The following ETS1 variants were observed in gnomAD, a reference collection of about 807,000 sequenced individuals.
ETS1 encodes ETS proto-oncogene 1, transcription factor, also known as protein C-ets-1.
A neutral mutation model predicts 58.6 loss-of-function variants in ETS1; 15 were observed. The ratio of observed to expected loss-of-function variants is 0.26; its 90% confidence interval spans 0.17 to 0.39. ETS1 has a LOEUF of 0.39. Ranked by LOEUF, ETS1 falls within the 10% of genes least tolerant of loss-of-function variation. ETS1 has a pLI of 1.00. For synonymous variants in ETS1, 214 were observed against 218.2 expected (o/e 0.98, Z 0.17); for missense variants, 417 against 610.5 (o/e 0.68, Z 3.34).
intron 3 of ETS1, among the ~76,000 whole-genome samples, chr11:128,499,767 G>A (rs1024085217): frequency 1.3e-5 from 2 of 152,108 alleles, no homozygotes; most frequent in African/African-American, 4.8e-5. Flanking sequence ...GTCAAACCTC[G>A]GCTCGGGGCC....
rs142099364 is a variant in ETS1 at position 128,489,369 on chromosome 11, C to A, written c.456G>T (p.Leu152=). 3.3e-5 allele frequency: 53 copies of A among 1,614,198 alleles called. No homozygotes were observed. The highest frequency in any genetic ancestry group is 3.3e-4 in the Middle Eastern group (2 of 6,062). The change falls in exon 5 of 10, where the codon CTG becomes CTT. Residue 152 remains leucine (L), a synonymous_variant. Transcript: ENST00000392668. ...FCMNGAALCA[L]GKDCFLELAP... ...CCAGCTCGAGAAAGCAGTCTTTACC[C>A]AGGGCGCAGAGGGCTGCTCCATTCA...
At chr11:128,544,993 GTC>G (rs369868004) in intron 3 of ETS1, among the ~76,000 whole-genome samples, 1 of 146,684 alleles carries the variant, frequency 6.8e-6, no homozygotes, top group African/African-American at 2.5e-5. Context: ...CAGTGACTCT[GTC>G]TGCTCACGGA....
At chr11:128,520,566 A>T (rs781579246) in intron 3 of ETS1, among the ~76,000 whole-genome samples, 1 of 152,208 alleles carries the variant, frequency 6.6e-6, no homozygotes. Flanking sequence ...CCATCATAGA[A>T]ACAGCATTTC....
chr11:128,479,063 A>G (rs1485474990), intron 8 of ETS1, among the ~76,000 whole-genome samples: 2 of 152,212 alleles, frequency 1.3e-5, no homozygotes, highest in Non-Finnish European at 2.9e-5. Flanking sequence ...TATAAGAGAG[A>G]TACTCCTGAT....
chr11:128,474,263 A>C (rs1412527771), intron 8 of ETS1, among the ~76,000 whole-genome samples: 3 of 152,220 alleles, frequency 2.0e-5, no homozygotes, highest in African/African-American at 7.2e-5. Flanking sequence ...CCTTCTGTCC[A>C]AAGACTGCTT....
intron 1 of ETS1, among the ~76,000 whole-genome samples, chr11:128,586,776 CAA>C (rs1235263493): frequency 6.6e-6 from 1 of 152,172 alleles, no homozygotes; most frequent in Non-Finnish European, 1.5e-5. Context: ...GAGTCACATA[CAA>C]AGTGTCACGG....
At chr11:128,517,814 C>CTGGAG (rs1042614975) in intron 3 of ETS1, among the ~76,000 whole-genome samples, 31 of 152,228 alleles carry the variant, frequency 2.0e-4, no homozygotes, top group African/African-American at 7.5e-4. Context: ...GGTTTGTCTC[C>CTGGAG]TGGAGGGAGG....
chr11:128,483,290 G>A (rs1278122599), intron 7 of ETS1, among the ~76,000 whole-genome samples: 1 of 152,150 alleles, frequency 6.6e-6, no homozygotes, highest in Non-Finnish European at 1.5e-5. Flanking sequence ...GAAAAGGAGA[G>A]GGAAAGAGAC....
In ETS1 at chr11:128,463,264, T is replaced by C. The variant is rs1056361238; in HGVS notation, c.1242+245A>G. Among the ~76,000 whole-genome samples the C allele has an allele frequency of 1.3e-5, 2 of 152,230 alleles. No homozygotes were observed. Among genetic ancestry groups the C allele is most frequent in the Non-Finnish European group, 2.9e-5 (2 of 68,036 alleles). ...GCTCTATGGGTGATAACTGACCTAC[T>C]GCCAGGCACGTTAATGCCTTCTATC... is the stretch of plus-strand genomic sequence containing the variant. On this transcript the variant is annotated intron_variant, in intron 9 of 9. Transcript: ENST00000392668. This position sits in a 1 kb window ranked among gnomAD's most constrained non-coding sequence, Gnocchi z 4.1.
chr11:128,558,236 A>G lies in ETS1; in HGVS notation c.70-1801T>C, dbSNP rs112988122. On this transcript the variant is annotated intron_variant, in intron 2 of 9. Coordinates refer to ENST00000392668, the MANE Select transcript of ETS1 (RefSeq NM_001143820.2). ...CTAACATCCTTAGCCTGCTGTTGCC[A>G]GGGGCCTTGATGAGCACTGTGAAAA... Among the ~76,000 whole-genome samples, 1,121 of 152,338 alleles carry G rather than the reference A, an allele frequency of 7.4e-3. 21 individuals carry two copies. Among genetic ancestry groups the G allele is most frequent in the Admixed American group, 0.047 (713 of 15,308 alleles).
At chr11:128,467,071 G>C (rs1862058378) in intron 8 of ETS1, among the ~76,000 whole-genome samples, 1 of 152,166 alleles carries the variant, frequency 6.6e-6, no homozygotes, top group African/African-American at 2.4e-5. Context: ...GCACCTTTTT[G>C]CTGACTCCTA....
Position 128,464,621 on chromosome 11 carries a change from G to A in ETS1, c.1124-994C>T, listed in dbSNP as rs141786225. ...TAAACAAACTGGGCAGAGCGGGACT[G>A]GGAAAGACCCAGTCCATGTCTCTGG... On this transcript the variant is annotated intron_variant, in intron 8 of 9. Transcript: ENST00000392668. This position sits in a 1 kb window ranked among gnomAD's most constrained non-coding sequence, Gnocchi z 4.1. 1.6e-3 allele frequency among the ~76,000 whole-genome samples: 236 copies of A among 152,200 alleles called. No individual in the cohort carries two copies. The highest frequency in any genetic ancestry group is 2.4e-3 in the Admixed American group (36 of 15,288).
chr11:128,485,259 AT>A (rs1460208545), intron 6 of ETS1, among the ~76,000 whole-genome samples, 188 bp from the exon 7 acceptor site: 1 of 152,182 alleles, frequency 6.6e-6, no homozygotes, highest in African/African-American at 2.4e-5. Context: ...TGACAAGGTA[AT>A]TGATTTCCTG....
intron 8 of ETS1, among the ~76,000 whole-genome samples, chr11:128,474,169 A>T (rs1228060922): frequency 6.6e-6 from 1 of 152,246 alleles, no homozygotes; most frequent in African/African-American, 2.4e-5. Flanking sequence ...GTCTCCTGGT[A>T]TCCAAAATCC....
chr11:128,509,546 GA>G (rs200905778), intron 3 of ETS1, among the ~76,000 whole-genome samples: 3,297 of 79,362 alleles, frequency 0.042, 77 homozygotes, highest in Non-Finnish European at 0.049. Flanking sequence ...GAAATCAGGT[GA>G]AAATTTTTTT....
In ETS1 at chr11:128,484,893, C is replaced by T. The variant is rs1200536918; in HGVS notation, c.792G>A (p.Gln264=). 2 of 1,614,032 alleles carry T rather than the reference C, an allele frequency of 1.2e-6. No individual in the cohort carries two copies. Among genetic ancestry groups the T allele is most frequent in the Admixed American group, 1.7e-5 (1 of 60,022 alleles). ...LRDPLQTDTL[Q]NDYFAIKQEV... The stretch of plus-strand genomic sequence containing the variant: ...CTTGTTTGATAGCAAAGTAGTCATT[C>T]TGCAAGGTGTCTGTCTGGAGAGGGT... Residue 264 remains glutamine (Q), a synonymous_variant, in exon 7 of 10, where the codon CAG becomes CAA. Transcript: ENST00000392668.
At chr11:128,470,224 C>T (rs925015140) in intron 8 of ETS1, among the ~76,000 whole-genome samples, 51 of 152,124 alleles carry the variant, frequency 3.4e-4, no homozygotes, top group Admixed American at 2.2e-3. Context: ...AGATCAAAAA[C>T]GAAAGGAGGA....
At chr11:128,556,263 C>T in intron 3 of ETS1, 28 bp downstream of exon 3, 2 of 1,585,848 alleles carry the variant, frequency 1.3e-6, no homozygotes, top group Non-Finnish European at 1.7e-6. Flanking sequence ...ACTCTATCCT[C>T]ATTCCCAGCT....
At chr11:128,519,938 A>G (rs1299751217) in intron 3 of ETS1, among the ~76,000 whole-genome samples, 2 of 152,220 alleles carry the variant, frequency 1.3e-5, no homozygotes, top group Non-Finnish European at 1.5e-5. Flanking sequence ...ATAATAAATA[A>G]TGGTGCTAGA....
Sources: allele counts gnomAD v4.1 joint callset (sites outside exome capture counted in the v4.1 genomes callset), GRCh38; gene constraint gnomAD v4.1.1; non-coding constraint Gnocchi (gnomAD v3.1); transcripts MANE v1.5; gene names NCBI Gene and HGNC (gene_info 2026-07-23, HGNC 2026-07-21).